The following TENM4 variants were observed in gnomAD, a reference collection of about 807,000 sequenced individuals.
TENM4 encodes the protein teneurin-4.
In TENM4, 82 loss-of-function variants were observed where a neutral mutation model predicts 243.3. The observed-to-expected ratio is 0.34, with a 90% confidence interval of 0.28 to 0.40. TENM4 has a LOEUF of 0.40. TENM4 is among the 10% of genes least tolerant of loss of function. The pLI is 1.00. For missense variants in TENM4, 3,138 were observed against 3,673.3 expected (o/e 0.85, Z 3.77); for synonymous variants, 1,412 against 1,456.3 (o/e 0.97, Z 0.69).
chr11:78,990,063 TAAA>T (rs780530657), intron 6 of TENM4, among the ~76,000 whole-genome samples: 1 of 138,976 alleles, frequency 7.2e-6, no homozygotes, highest in Non-Finnish European at 1.6e-5. Flanking sequence ...AGGCTTTGTT[TAAA>T]AAAAAAAAAA....
chr11:79,228,094 AG>A (rs1210708448), intron 2 of TENM4, among the ~76,000 whole-genome samples: 2 of 152,206 alleles, frequency 1.3e-5, no homozygotes, highest in Non-Finnish European at 2.9e-5. Flanking sequence ...TGTGAAAAAA[AG>A]TATCTATAAA....
Position 78,732,577 on chromosome 11 carries a change from G to T in TENM4, c.2877C>A (p.Ser959Arg). 1 of 1,596,554 alleles carries T rather than the reference G, an allele frequency of 6.3e-7. No individual in the cohort carries two copies. The highest frequency in any genetic ancestry group is 1.1e-5 in the South Asian group (1 of 89,410). Residue 959 changes from serine to arginine, a missense_variant and splice_region_variant, in exon 21 of 34, where the codon AGC becomes AGA. By Grantham distance (110) the Ser-to-Arg change is moderately radical. This residue lies in a region of TENM4 where 2,467 missense variants were observed against 3,059.1 expected (regional missense o/e 0.81). Coordinates refer to ENST00000278550, the MANE Select transcript of TENM4 (RefSeq NM_001098816.3). ...TGCCGCCATTTGTCACCAAGTCAAA[G>T]CTGTTTGGGAGGGGAAGGTTGAGAA... ...FGYTISRQDG[S>R]FDLVTNGGIS...
chr11:78,801,213 A>G (rs1281016883), intron 15 of TENM4, among the ~76,000 whole-genome samples: 1 of 152,138 alleles, frequency 6.6e-6, no homozygotes, highest in Non-Finnish European at 1.5e-5. Flanking sequence ...ACTTAGGGCC[A>G]GTCATTCCCC....
intron 12 of TENM4, among the ~76,000 whole-genome samples, chr11:78,851,002 G>A (rs1426130808): frequency 2.6e-5 from 4 of 152,284 alleles, no homozygotes; most frequent in African/African-American, 4.8e-5. Context: ...GGGCTTCACC[G>A]CAGGCCTACT....
intron 4 of TENM4, among the ~76,000 whole-genome samples, chr11:79,141,570 G>T (rs961639707): frequency 3.3e-5 from 5 of 151,978 alleles, no homozygotes; most frequent in Non-Finnish European, 7.4e-5. Flanking sequence ...ATTTTAAAAA[G>T]AACTAATACC....
chr11:79,385,560 G>T (rs548043), intron 1 of TENM4, among the ~76,000 whole-genome samples: 81,579 of 151,884 alleles, frequency 0.54, 21,874 homozygotes, highest in East Asian at 0.56. Flanking sequence ...TTTGAAGAGC[G>T]AATAATGCCT....
At chr11:78,966,554 G>T (rs998081716) in intron 6 of TENM4, among the ~76,000 whole-genome samples, 3 of 152,158 alleles carry the variant, frequency 2.0e-5, no homozygotes, top group Non-Finnish European at 4.4e-5. Flanking sequence ...GCACAAGGAG[G>T]TCTCAGCAGG....
intron 16 of TENM4, among the ~76,000 whole-genome samples, chr11:78,781,754 G>A (rs904607366): frequency 1.7e-4 from 26 of 152,106 alleles, no homozygotes; most frequent in Non-Finnish European, 2.8e-4. Flanking sequence ...ATGGGTTGGC[G>A]GTTCTAGTCA....
At chr11:78,787,879 C>G (rs1435844551) in intron 15 of TENM4, among the ~76,000 whole-genome samples, 1 of 152,208 alleles carries the variant, frequency 6.6e-6, no homozygotes, top group Non-Finnish European at 1.5e-5. Context: ...TCACAAGCCC[C>G]TCAGGCTCCA....
At chr11:79,431,718 A>G (rs1035663423) in intron 1 of TENM4, among the ~76,000 whole-genome samples, 11 of 152,208 alleles carry the variant, frequency 7.2e-5, no homozygotes, top group African/African-American at 2.7e-4. Flanking sequence ...CATCATTTAA[A>G]TAGTCATCTA....
intron 7 of TENM4, among the ~76,000 whole-genome samples, 181 bp downstream of exon 7, chr11:78,903,087 C>A (rs1018008060): frequency 6.6e-6 from 1 of 152,304 alleles, no homozygotes; most frequent in African/African-American, 2.4e-5. Flanking sequence ...GACCTTGGGT[C>A]TCTCGGGTTC....
intron 6 of TENM4, among the ~76,000 whole-genome samples, chr11:78,999,605 T>C (rs1442208696): frequency 6.6e-6 from 1 of 151,940 alleles, no homozygotes; most frequent in Non-Finnish European, 1.5e-5. Flanking sequence ...TAAGTGAAAA[T>C]TAGAATCCAG....
chr11:78,911,486 G>T (rs962106851), intron 6 of TENM4, among the ~76,000 whole-genome samples: 1 of 152,228 alleles, frequency 6.6e-6, no homozygotes, highest in Non-Finnish European at 1.5e-5. Context: ...ACACTGAAAG[G>T]TAGGAAGAGA....
At chr11:78,977,848 T>A (rs1857699241) in intron 6 of TENM4, among the ~76,000 whole-genome samples, 1 of 152,230 alleles carries the variant, frequency 6.6e-6, no homozygotes, top group South Asian at 2.1e-4. Context: ...ACAATTCCAT[T>A]ACTGGATATA....
At chr11:79,011,868 G>T (rs1375268202) in intron 6 of TENM4, among the ~76,000 whole-genome samples, 1 of 152,232 alleles carries the variant, frequency 6.6e-6, no homozygotes, top group Non-Finnish European at 1.5e-5. Flanking sequence ...AAAATCCAAT[G>T]ACTCTGTCAT....
chr11:78,713,113 T>TA lies in TENM4; in HGVS notation c.3822-400dup, dbSNP rs199704570. On this transcript the variant is annotated intron_variant, in intron 25 of 33. Transcript: ENST00000278550. ...CTAGAAGGATGGATGCTCTTGACTT[T>TA]AAAAAAACACTTCAAGAGTTCAAAA... 6.6e-3 allele frequency among the ~76,000 whole-genome samples: 1,011 copies of TA among 152,230 alleles called. 10 individuals carry two copies. The highest frequency in any genetic ancestry group is 0.023 in the African/African-American group (951 of 41,516).
chr11:79,282,490 T>G (rs1856174529), intron 2 of TENM4, among the ~76,000 whole-genome samples: 1 of 152,256 alleles, frequency 6.6e-6, no homozygotes, highest in Non-Finnish European at 1.5e-5. Context: ...GCAGAGAAAC[T>G]GCTGGCTTCC....
At chr11:78,736,478 G>GCA (rs1471169699) in intron 20 of TENM4, among the ~76,000 whole-genome samples, 36 of 142,272 alleles carry the variant, frequency 2.5e-4, no homozygotes, top group African/African-American at 1.1e-3. Flanking sequence ...GTGTGTGTGT[G>GCA]TGCGCGCGCG....
At chr11:78,673,825 G>C (rs373231671) in intron 30 of TENM4, among the ~76,000 whole-genome samples, 4 of 152,180 alleles carry the variant, frequency 2.6e-5, no homozygotes, top group African/African-American at 9.7e-5. Flanking sequence ...TGAAAATAAC[G>C]ATTTATAATG....
Sources: allele counts gnomAD v4.1 joint callset (sites outside exome capture counted in the v4.1 genomes callset), GRCh38; gene constraint gnomAD v4.1.1; regional missense constraint gnomAD v4.1.1; transcripts MANE v1.5; gene names NCBI Gene and HGNC (gene_info 2026-07-23, HGNC 2026-07-21).